Variants in NCOR1 observed in about 807,000 individuals in gnomAD.
The protein encoded by NCOR1 is protein phosphatase 1, regulatory subunit 109.
In NCOR1, 63 loss-of-function variants were observed where a neutral mutation model predicts 288.1. That is an observed-to-expected ratio of 0.22 (90% CI 0.18 to 0.27). The LOEUF (loss-of-function observed/expected upper bound fraction) is 0.27. Among genes scored for constraint, NCOR1 ranks in the 10% least tolerant of loss-of-function variants. The pLI, the probability that NCOR1 is intolerant of heterozygous loss-of-function variation, is 1.00. For missense variants in NCOR1, 2,397 were observed against 3,019.2 expected (o/e 0.79, Z 4.83); for synonymous variants, 1,007 against 1,065.9 (o/e 0.94, Z 1.08).
intron 14 of NCOR1, among the ~76,000 whole-genome samples, chr17:16,132,024 TAAACTTCTTAACTTGTC>T (rs1281414123): frequency 6.6e-6 from 1 of 152,230 alleles, no homozygotes; most frequent in African/African-American, 2.4e-5. Context: ...GCTGATATAA[TAAACTTCTTAACTTGTC>T]TAAAATAATC....
intron 4 of NCOR1, among the ~76,000 whole-genome samples, chr17:16,168,110 G>A (rs74654716): frequency 4.9e-4 from 74 of 152,182 alleles, no homozygotes; most frequent in Admixed American, 1.1e-3. Flanking sequence ...ATAAGTGTAA[G>A]TTAAAAACAA....
At chr17:16,106,894 T>A (rs1343883455) in intron 19 of NCOR1, among the ~76,000 whole-genome samples, 1 of 105,292 alleles carries the variant, frequency 9.5e-6, no homozygotes, top group Admixed American at 9.7e-5. Context: ...TTTTTTTTTT[T>A]TTTTTTTTTT....
chr17:16,119,888 A>G (rs2072620740), intron 16 of NCOR1, among the ~76,000 whole-genome samples: 1 of 152,124 alleles, frequency 6.6e-6, no homozygotes, highest in Admixed American at 6.5e-5. Flanking sequence ...ATCTTGTCCT[A>G]AAACTCCTGG....
At chr17:16,093,085 C>T (rs1472731742) in intron 21 of NCOR1, among the ~76,000 whole-genome samples, 1 of 152,124 alleles carries the variant, frequency 6.6e-6, no homozygotes, top group African/African-American at 2.4e-5. Context: ...GACACTTTCT[C>T]CAAGTTCCAC....
At chr17:16,127,705 ATG>A (rs368873155) in intron 14 of NCOR1, among the ~76,000 whole-genome samples, 2,317 of 133,470 alleles carry the variant, frequency 0.017, 53 homozygotes, top group African/African-American at 0.028. Flanking sequence ...ATATGTATAT[ATG>A]TGTGTGTATA....
intron 41 of NCOR1, among the ~76,000 whole-genome samples, 161 bp downstream of exon 41, chr17:16,048,684 A>G (rs2058957082): frequency 6.6e-6 from 1 of 152,206 alleles, no homozygotes; most frequent in South Asian, 2.1e-4. Context: ...GCTAAAATAC[A>G]CTAGCATTAG....
chr17:16,188,653 G>A (rs2087338293), intron 2 of NCOR1, among the ~76,000 whole-genome samples: 1 of 151,642 alleles, frequency 6.6e-6, no homozygotes, highest in Non-Finnish European at 1.5e-5. Context: ...AAACAAAAAG[G>A]AATTTACATC....
chr17:16,138,277 ACTTGG>A, intron 12 of NCOR1, 65 bp from the exon 13 acceptor site: 8 of 1,381,908 alleles, frequency 5.8e-6, no homozygotes, highest in Non-Finnish European at 7.1e-6. Flanking sequence ...AAAAAAAAAA[ACTTGG>A]GAAAAGAAAG....
At chr17:16,200,105 AG>A (rs1246223873) in intron 1 of NCOR1, among the ~76,000 whole-genome samples, 1 of 152,126 alleles carries the variant, frequency 6.6e-6, no homozygotes, top group South Asian at 2.1e-4. Flanking sequence ...TCCTCTCAGC[AG>A]GAACTCCTGG....
At position 16,034,842 on chromosome 17, in the gene NCOR1, A is replaced by C; in HGVS notation, c.7058T>G (p.Val2353Gly). ...GYLGTERPSS[V>G]SSVHSEGDYH... Reference sequence around the variant, plus strand: ...ATCCCCTTCTGAATGTACAGAGGAGACTGAAGAGGGCCGTTCCGTTCCTAA... The same window carrying C: ...ATCCCCTTCTGAATGTACAGAGGAGCCTGAAGAGGGCCGTTCCGTTCCTAA... The change falls in exon 45 of 46, where the codon GTC (valine) becomes GGC (glycine). Residue 2353 changes from valine to glycine, a missense_variant. Coordinates refer to ENST00000268712, the MANE Select transcript of NCOR1 (RefSeq NM_006311.4). The C allele has an allele frequency of 6.2e-7, 1 of 1,614,100 alleles. No individual in the cohort carries two copies. The highest frequency in any genetic ancestry group is 8.5e-7 in the Non-Finnish European group (1 of 1,180,006).
At chr17:16,119,519 AAAAC>A (rs1454325815) in intron 16 of NCOR1, 34 bp from the exon 17 acceptor site, 2 of 1,425,408 alleles carry the variant, frequency 1.4e-6, no homozygotes, top group Non-Finnish European at 1.9e-6. Flanking sequence ...CAGGCAGAGA[AAAAC>A]AAAGTTAAAT....
chr17:16,114,168 A>AAAAAAC (rs2071042024), intron 18 of NCOR1, among the ~76,000 whole-genome samples: 3 of 149,410 alleles, frequency 2.0e-5, no homozygotes, highest in African/African-American at 7.3e-5. Context: ...AAAAAAAAAA[A>AAAAAAC]ACTTGTGCAG....
At chr17:16,072,642 A>G (rs761774672) in intron 28 of NCOR1, among the ~76,000 whole-genome samples, 1 of 152,224 alleles carries the variant, frequency 6.6e-6, no homozygotes, top group Non-Finnish European at 1.5e-5. Flanking sequence ...ATTGAAACGA[A>G]AGAGTTGTAA....
chr17:16,132,752 A>G (rs1599145490), intron 14 of NCOR1, among the ~76,000 whole-genome samples: 1 of 152,030 alleles, frequency 6.6e-6, no homozygotes, highest in African/African-American at 2.4e-5. Context: ...TTAAAAAATC[A>G]AACTTTGCAA....
At chr17:16,157,136 A>G (rs2079947656) in intron 6 of NCOR1, among the ~76,000 whole-genome samples, 1 of 152,078 alleles carries the variant, frequency 6.6e-6, no homozygotes, top group African/African-American at 2.4e-5. Context: ...TTTTTTTTAA[A>G]AAAACAAATC....
At chr17:16,042,260 A>AC (rs1335020377) in intron 42 of NCOR1, among the ~76,000 whole-genome samples, 7 of 152,130 alleles carry the variant, frequency 4.6e-5, no homozygotes, top group Admixed American at 2.6e-4. Flanking sequence ...TGAGCCTGAA[A>AC]CAGCAGAGCC....
At chr17:16,094,132 G>A (rs2065905940) in intron 21 of NCOR1, among the ~76,000 whole-genome samples, 1 of 151,842 alleles carries the variant, frequency 6.6e-6, no homozygotes, top group East Asian at 1.9e-4. Flanking sequence ...TGGAACTCCT[G>A]CGGTCAAGTG....
chr17:16,032,180 T>C lies in NCOR1; in HGVS notation c.*116A>G, dbSNP rs1012066175. On this transcript the variant is annotated 3_prime_UTR_variant, in exon 46 of 46. Coordinates refer to ENST00000268712, the MANE Select transcript of NCOR1 (RefSeq NM_006311.4). The stretch of plus-strand genomic sequence containing the variant: ...TTCATCATCTGTGGGCTGGCTCTCC[T>C]GAAAAGTCTCAGGGAATAAGTCACA... The C allele has an allele frequency of 7.6e-6, 8 of 1,053,690 alleles. No individual in the cohort carries two copies. Among genetic ancestry groups the C allele is most frequent in the African/African-American group, 1.7e-5 (1 of 59,670 alleles). 65.3% of individuals were successfully genotyped at this position (1,053,690 alleles called of 1,614,324 possible). A position where few individuals can be genotyped will look rare whatever the true frequency, so the allele number is the denominator to read the frequency against.
chr17:16,095,190 A>G (rs2066193411), intron 21 of NCOR1, among the ~76,000 whole-genome samples: 1 of 148,564 alleles, frequency 6.7e-6, no homozygotes, highest in South Asian at 2.1e-4. Flanking sequence ...CCATCGTCTG[A>G]GATGTGGGGA....
Sources: allele counts gnomAD v4.1 joint callset (sites outside exome capture counted in the v4.1 genomes callset), GRCh38; gene constraint gnomAD v4.1.1; transcripts MANE v1.5; gene names NCBI Gene and HGNC (gene_info 2026-07-23, HGNC 2026-07-21).